The following PPFIBP2 variants were observed in gnomAD, a reference collection of about 807,000 sequenced individuals.
The protein encoded by PPFIBP2 is liprin-beta-2.
PPFIBP2 carries 118 observed loss-of-function variants against 118.3 expected under a neutral mutation model. The observed-to-expected ratio is 1.00, with a 90% CI of 0.86 to 1.16. The LOEUF (loss-of-function observed/expected upper bound fraction) is 1.16, where lower values mean the gene tolerates loss of function less well. Ranked by LOEUF, PPFIBP2 falls within the 50% of genes most tolerant of loss-of-function variation. The pLI is 0.00. For synonymous variants in PPFIBP2, 414 were observed against 397.4 expected (o/e 1.04, Z -0.50); for missense variants, 1,195 against 1,073.1 (o/e 1.11, Z -1.59).
At chr11:7,655,454 G>A (rs1176240153), downstream of PPFIBP2, 20 of 1,289,690 alleles carry the variant, frequency 1.6e-5, no homozygotes, top group Non-Finnish European at 1.6e-5. Flanking sequence ...GGAAGGTACC[G>A]TGACGCAGAT....
rs1427511954 is a variant in PPFIBP2, at chr11:7,621,032, A to C, written c.711+5A>C. The C allele has an allele frequency of 1.3e-6, 2 of 1,587,702 alleles. No homozygotes were observed. Among genetic ancestry groups the C allele is most frequent in the Admixed American group, 1.7e-5 (1 of 59,974 alleles). ...TGGAAGCTAAAGGCCACTAAGGTAA[A>C]CGGCACTCCTGATGCTTATGGAGAG... On this transcript the variant is annotated splice_donor_5th_base_variant and intron_variant, in intron 7 of 23. Coordinates refer to ENST00000299492, the MANE Select transcript of PPFIBP2 (RefSeq NM_003621.5).
chr11:7,603,951 C>T (rs1294633004), intron 5 of PPFIBP2, among the ~76,000 whole-genome samples: 9 of 152,148 alleles, frequency 5.9e-5, no homozygotes, highest in Non-Finnish European at 1.3e-4. Context: ...TGCCCCTTAT[C>T]CTCAGCTCGC....
At chr11:7,516,717 CCT>C (rs1564930127) in intron 1 of PPFIBP2, among the ~76,000 whole-genome samples, 1 of 152,096 alleles carries the variant, frequency 6.6e-6, no homozygotes, top group African/African-American at 2.4e-5. Flanking sequence ...CCAGACGGCC[CCT>C]CTCTCTGTCT....
intron 1 of PPFIBP2, among the ~76,000 whole-genome samples, chr11:7,545,697 A>G (rs946192058): frequency 6.6e-6 from 1 of 151,678 alleles, no homozygotes; most frequent in African/African-American, 2.4e-5. Flanking sequence ...ATAATAAAAA[A>G]AGTATATATT....
intron 17 of PPFIBP2, 163 bp from the exon 18 acceptor site, chr11:7,648,224 A>C: frequency 1.5e-6 from 1 of 676,010 alleles, no homozygotes; most frequent in Admixed American, 3.0e-5. Context: ...AGTGTGTTGT[A>C]GTGGAATTTT....
At chr11:7,610,642 C>G (rs74051555) in intron 6 of PPFIBP2, 6,597 of 489,458 alleles carry the variant, frequency 0.013, 350 homozygotes, top group African/African-American at 0.11. Flanking sequence ...AAGGCTTTAT[C>G]TGCCCTCAAA....
intron 23 of PPFIBP2, 71 bp downstream of exon 23, chr11:7,651,915 C>A: frequency 7.2e-7 from 1 of 1,389,812 alleles, no homozygotes; most frequent in African/African-American, 1.5e-5. Flanking sequence ...GCACCTGGCG[C>A]GATGCCCACA....
intron 1 of PPFIBP2, among the ~76,000 whole-genome samples, chr11:7,521,205 T>A (rs759452983): frequency 7.2e-5 from 11 of 152,250 alleles, no homozygotes; most frequent in Non-Finnish European, 1.6e-4. Context: ...AAGCTGAGCA[T>A]TCATTGTGCT....
At chr11:7,619,713 G>A (rs1161295745) in intron 6 of PPFIBP2, among the ~76,000 whole-genome samples, 5 of 152,192 alleles carry the variant, frequency 3.3e-5, no homozygotes, top group Middle Eastern at 3.2e-3. Flanking sequence ...GCTTGGGGAC[G>A]AATTGCATAC....
intron 21 of PPFIBP2, 72 bp downstream of exon 21, chr11:7,649,726 A>G (rs1853688485): frequency 1.3e-6 from 2 of 1,583,848 alleles, no homozygotes; most frequent in African/African-American, 2.7e-5. Flanking sequence ...ATGAGCAAAC[A>G]AGAATGACAT....
In PPFIBP2 at chr11:7,649,519, T is replaced by G; in HGVS notation, c.1999-13T>G. ...GGAAACTCTGGTTTATAAACCAAAC[T>G]TTCCTCTTTCAGAACGATTTACTCT... On this transcript the variant is annotated splice_polypyrimidine_tract_variant and intron_variant, in intron 20 of 23. Transcript: ENST00000299492. 1 of 1,614,098 alleles carries G rather than the reference T, an allele frequency of 6.2e-7. No individual in the cohort carries two copies. The highest frequency in any genetic ancestry group is 2.2e-5 in the East Asian group (1 of 44,882).
At chr11:7,521,994 T>A (rs1849800106) in intron 1 of PPFIBP2, among the ~76,000 whole-genome samples, 1 of 152,170 alleles carries the variant, frequency 6.6e-6, no homozygotes. Flanking sequence ...CTATATAATT[T>A]AAATTTTATT....
intron 17 of PPFIBP2, among the ~76,000 whole-genome samples, chr11:7,642,800 AAT>A (rs1852398541): frequency 6.6e-6 from 1 of 152,224 alleles, no homozygotes; most frequent in Non-Finnish European, 1.5e-5. Context: ...TCTCAGAAAT[AAT>A]ATAGTCTAGA....
intron 1 of PPFIBP2, among the ~76,000 whole-genome samples, chr11:7,536,081 C>G (rs1458339647): frequency 1.3e-5 from 2 of 152,196 alleles, no homozygotes; most frequent in African/African-American, 4.8e-5. Flanking sequence ...ACCACCCTTT[C>G]AGGTAGGCAG....
intron 5 of PPFIBP2, among the ~76,000 whole-genome samples, chr11:7,602,282 A>T (rs555968636): frequency 8.7e-4 from 133 of 152,266 alleles, no homozygotes; most frequent in African/African-American, 3.1e-3. Flanking sequence ...ATCAGAGGCC[A>T]GGGCCCAGAA....
chr11:7,563,350 A>T (rs566053258), intron 2 of PPFIBP2, among the ~76,000 whole-genome samples: 8 of 152,026 alleles, frequency 5.3e-5, no homozygotes, highest in Admixed American at 6.6e-5. Context: ...TTCTAAGTCC[A>T]CTCTTAATTG....
chr11:7,579,016 G>A (rs953657408), intron 3 of PPFIBP2, among the ~76,000 whole-genome samples: 28 of 151,766 alleles, frequency 1.8e-4, no homozygotes, highest in Admixed American at 1.8e-3. Flanking sequence ...TGGGGGACTT[G>A]TAGCAGGGAA....
At position 7,564,870 on chromosome 11, in the gene PPFIBP2, A is replaced by G. The variant is rs76644114; in HGVS notation, c.65-683A>G. On this transcript the variant is annotated intron_variant, in intron 2 of 23. Transcript: ENST00000299492. Reference sequence around the variant, plus strand: ...TAAGGCCCAGGCCCAGAGCTGGTACAGAGTCACTTCCACTGCTTTCTGTTG... The same window carrying G: ...TAAGGCCCAGGCCCAGAGCTGGTACGGAGTCACTTCCACTGCTTTCTGTTG... Among the ~76,000 whole-genome samples the G allele has an allele frequency of 2.9e-3, 435 of 152,338 alleles. 4 individuals carry two copies. The highest frequency in any genetic ancestry group is 9.9e-3 in the African/African-American group (413 of 41,570).
intron 11 of PPFIBP2, chr11:7,631,250 C>A: frequency 2.0e-6 from 1 of 502,968 alleles, no homozygotes; most frequent in Non-Finnish European, 3.6e-6. Context: ...CTGGAACTTT[C>A]AAGGATAGGA....
Sources: gnomAD v4.1 joint callset for allele counts (sites outside exome capture counted in the v4.1 genomes callset) on GRCh38, gnomAD v4.1.1 for gene constraint, MANE v1.5 for transcripts, NCBI Gene and HGNC (gene_info 2026-07-23, HGNC 2026-07-21) for gene names.